The following OPCML variants were observed in gnomAD, a reference collection of about 807,000 sequenced individuals.
OPCML encodes the protein opioid-binding protein/cell adhesion molecule.
OPCML carries 13 observed loss-of-function variants against 37.8 expected under a neutral mutation model. That is an observed-to-expected ratio of 0.34 (90% CI 0.22 to 0.55). The LOEUF is 0.55. Among genes scored for constraint, OPCML ranks in the 20% least tolerant of loss-of-function variants. The pLI is 0.91. For synonymous variants in OPCML, 176 were observed against 168.8 expected, an observed-to-expected ratio of 1.04 and a Z score of -0.33; for missense variants, 341 against 435.6, an observed-to-expected ratio of 0.78 and a Z score of 1.93.
intron 2 of OPCML, among the ~76,000 whole-genome samples, chr11:132,803,801 T>G (rs2136209164): frequency 6.6e-6 from 1 of 152,336 alleles, no homozygotes; most frequent in East Asian, 1.9e-4. Flanking sequence ...TGTCAATTTT[T>G]CTACTTAAAA....
intron 2 of OPCML, among the ~76,000 whole-genome samples, chr11:132,906,863 G>A (rs1944259841): frequency 1.3e-5 from 2 of 152,206 alleles, no homozygotes; most frequent in African/African-American, 4.8e-5. Flanking sequence ...CCAGAGTGAG[G>A]CTGGTTGGGT....
chr11:132,842,142 T>C (rs188409603), intron 2 of OPCML, among the ~76,000 whole-genome samples: 1 of 152,244 alleles, frequency 6.6e-6, no homozygotes, highest in African/African-American at 2.4e-5. Context: ...TCAAGGTCCT[T>C]CAGATGTAAA....
intron 4 of OPCML, among the ~76,000 whole-genome samples, chr11:132,492,754 T>G (rs1355981675): frequency 8.4e-6 from 1 of 118,688 alleles, no homozygotes; most frequent in Non-Finnish European, 1.8e-5. Flanking sequence ...TTTATTGTCT[T>G]TCAGCCCTAC....
chr11:132,920,310 A>C (rs1489307144), intron 2 of OPCML, among the ~76,000 whole-genome samples: 1 of 152,216 alleles, frequency 6.6e-6, no homozygotes, highest in Non-Finnish European at 1.5e-5. Flanking sequence ...CAAAGACAAA[A>C]GGAGACTCAT....
At chr11:133,504,038 A>C (rs1947975474) in intron 1 of OPCML, among the ~76,000 whole-genome samples, 2 of 152,168 alleles carry the variant, frequency 1.3e-5, no homozygotes, top group South Asian at 4.1e-4. Flanking sequence ...TACTAGCCCC[A>C]GGTCCCACAT....
intron 1 of OPCML, among the ~76,000 whole-genome samples, chr11:133,285,569 T>C (rs1942272901): frequency 6.6e-6 from 1 of 152,170 alleles, no homozygotes; most frequent in Non-Finnish European, 1.5e-5. Flanking sequence ...TAACAAAGGC[T>C]CAGACTTCAG....
chr11:132,683,142 T>C (rs1943024199), intron 2 of OPCML, among the ~76,000 whole-genome samples: 1 of 152,116 alleles, frequency 6.6e-6, no homozygotes, highest in Non-Finnish European at 1.5e-5. Context: ...AGACCGAGTG[T>C]GGTGGCTCAC....
At chr11:133,484,163 G>GATA (rs774481401) in intron 1 of OPCML, among the ~76,000 whole-genome samples, 9,043 of 130,392 alleles carry the variant, frequency 0.069, 348 homozygotes, top group African/African-American at 0.12. Flanking sequence ...TAGATAGATA[G>GATA]GTAGATAGAT....
intron 1 of OPCML, among the ~76,000 whole-genome samples, chr11:133,321,047 C>A (rs922570606): frequency 2.0e-5 from 3 of 152,066 alleles, no homozygotes; most frequent in Non-Finnish European, 4.4e-5. Context: ...ACCCCTCAGC[C>A]ATGTCTTCAT....
At chr11:133,337,916 C>G (rs895113959) in intron 1 of OPCML, among the ~76,000 whole-genome samples, 2 of 151,928 alleles carry the variant, frequency 1.3e-5, no homozygotes, top group African/African-American at 2.4e-5. Context: ...CACTCATTTC[C>G]AAGTGGTTTC....
intron 2 of OPCML, among the ~76,000 whole-genome samples, chr11:132,842,431 G>A (rs934107344): frequency 6.6e-6 from 1 of 152,188 alleles, no homozygotes; most frequent in Non-Finnish European, 1.5e-5. Context: ...ATTCGCAGTA[G>A]CTTAAGGGCT....
intron 2 of OPCML, among the ~76,000 whole-genome samples, chr11:132,844,212 A>C (rs1941422149): frequency 6.6e-6 from 1 of 152,220 alleles, no homozygotes; most frequent in South Asian, 2.1e-4. Flanking sequence ...TTTATTCTGT[A>C]AATTGCCCAG....
intron 1 of OPCML, among the ~76,000 whole-genome samples, chr11:133,109,313 A>G (rs1949214474): frequency 6.6e-6 from 1 of 152,164 alleles, no homozygotes; most frequent in East Asian, 1.9e-4. Context: ...CAAGGACTCC[A>G]CAGCATGGAA....
intron 1 of OPCML, among the ~76,000 whole-genome samples, chr11:133,340,919 T>C (rs1943855419): frequency 6.6e-6 from 1 of 152,214 alleles, no homozygotes; most frequent in African/African-American, 2.4e-5. Flanking sequence ...CCTGTTCTCC[T>C]TCTTGCCTGT....
intron 3 of OPCML, among the ~76,000 whole-genome samples, chr11:132,600,037 G>A (rs574997574): frequency 3.5e-4 from 53 of 152,182 alleles, no homozygotes; most frequent in Non-Finnish European, 5.7e-4. Context: ...TCAAAGATCC[G>A]TTTAAGGGAA....
intron 4 of OPCML, among the ~76,000 whole-genome samples, chr11:132,517,193 G>A (rs1219681139): frequency 6.6e-6 from 1 of 152,094 alleles, no homozygotes. Context: ...GAGCTACTTT[G>A]GCTCTAAGTG....
intron 1 of OPCML, among the ~76,000 whole-genome samples, chr11:132,969,510 C>T (rs1946292050): frequency 6.6e-6 from 1 of 152,068 alleles, no homozygotes; most frequent in African/African-American, 2.4e-5. Context: ...TTTCTTCTTT[C>T]TCTCCTCTTG....
At chr11:132,642,971 C>A (rs1277128995) in intron 3 of OPCML, among the ~76,000 whole-genome samples, 1 of 152,064 alleles carries the variant, frequency 6.6e-6, no homozygotes, top group East Asian at 1.9e-4. Flanking sequence ...AAGCCCAACC[C>A]TCAGTGGCCA....
intron 1 of OPCML, among the ~76,000 whole-genome samples, chr11:133,138,176 G>T (rs1159437510): frequency 1.3e-5 from 2 of 152,052 alleles, no homozygotes; most frequent in African/African-American, 4.8e-5. Context: ...CCCCATGTTT[G>T]GTCTCTTTGC....
Sources: gnomAD v4.1 joint callset for allele counts (sites outside exome capture counted in the v4.1 genomes callset) on GRCh38, gnomAD v4.1.1 for gene constraint, MANE v1.5 for transcripts, NCBI Gene and HGNC (gene_info 2026-07-23, HGNC 2026-07-21) for gene names.